The following FANCD2 variants were observed in gnomAD, a reference collection of about 807,000 sequenced individuals.
FANCD2 encodes the protein Fanconi anemia group D2 protein.
FANCD2 carries 131 observed loss-of-function variants against 192.3 expected under a neutral mutation model. The ratio of observed to expected loss-of-function variants is 0.68; its 90% CI spans 0.59 to 0.79. The LOEUF (loss-of-function observed/expected upper bound fraction) is 0.79, where lower values mean the gene tolerates loss of function less well. Among genes scored for constraint, FANCD2 ranks in the 30% least tolerant of loss-of-function variants. The pLI, the probability that FANCD2 is intolerant of heterozygous loss-of-function variation, is 0.00. For missense variants in FANCD2, 1,508 were observed against 1,701.6 expected (o/e 0.89, Z 2.00); for synonymous variants, 524 against 612.5 (o/e 0.86, Z 2.13).
At chr3:10,092,286 A>C in intron 38 of FANCD2, 34 bp downstream of exon 38, 1 of 1,506,832 alleles carries the variant, frequency 6.6e-7, no homozygotes, top group Non-Finnish European at 9.2e-7. Context: ...CATCTCACCA[A>C]ATAACTGCAG....
rs2124993408 is a variant in FANCD2, at chr3:10,043,529, C to T, written c.1035C>T (p.Leu345=). ...QESSGQSCII[L]LFDVIKSAIR... ...GCAGCGGTCAGAGCTGTATTATTCT[C>T]CTCTTTGATGTAATAAAGTCAGCTA... Residue 345 remains leucine (L), a synonymous_variant, in exon 13 of 44, where the codon CTC becomes CTT. Coordinates refer to ENST00000675286, the MANE Select transcript of FANCD2 (RefSeq NM_001018115.3). 1 of 1,613,784 alleles carries T rather than the reference C, an allele frequency of 6.2e-7. No individual in the cohort carries two copies. Among genetic ancestry groups the T allele is most frequent in the Non-Finnish European group, 8.5e-7 (1 of 1,179,806 alleles).
intron 26 of FANCD2, 134 bp downstream of exon 26, chr3:10,067,451 C>T: frequency 6.1e-6 from 4 of 658,422 alleles, no homozygotes; most frequent in Non-Finnish European, 1.1e-5. Flanking sequence ...CCCTGATGAA[C>T]ATTGATACAA....
intron 18 of FANCD2, among the ~76,000 whole-genome samples, chr3:10,056,053 A>G: frequency 6.6e-6 from 1 of 151,888 alleles, no homozygotes; most frequent in East Asian, 1.9e-4. Flanking sequence ...TGATTTTTGT[A>G]TTTTTAGTAG....
At chr3:10,081,321 G>C (rs1172988866) in intron 31 of FANCD2, 25 bp from the exon 32 acceptor site, 2 of 1,611,218 alleles carry the variant, frequency 1.2e-6, no homozygotes. Context: ...TGAAGCAACT[G>C]TCCTAAAATC....
Position 10,094,319 on chromosome 3 carries a change from A to G in FANCD2, c.3919A>G (p.Lys1307Glu). Reference sequence around the variant, plus strand: ...GCGTCTCTTTGTGGAAGCATTTCTGAAGCAATGTATGCCGCTCCTAGACTT... The same window carrying G: ...GCGTCTCTTTGTGGAAGCATTTCTGGAGCAATGTATGCCGCTCCTAGACTT... The part of the protein sequence containing the change: ...YGRLFVEAFL[K>E]QCMPLLDFSF... Residue 1307 changes from lysine (K) to glutamate (E), a missense_variant, in exon 40 of 44, where the codon AAG (lysine) becomes GAG (glutamate). Transcript: ENST00000675286. 1.2e-6 allele frequency: 2 copies of G among 1,614,084 alleles called. No individual in the cohort carries two copies. The highest frequency in any genetic ancestry group is 1.7e-6 in the Non-Finnish European group (2 of 1,179,958).
chr3:10,054,336 CAT>C (rs376013316), intron 18 of FANCD2, among the ~76,000 whole-genome samples: 28,259 of 130,128 alleles, frequency 0.22, 4,203 homozygotes, highest in African/African-American at 0.41. Flanking sequence ...GAACAACCAG[CAT>C]ATATATATAT....
chr3:10,088,533 C>A lies in FANCD2; in HGVS notation c.3551C>A (p.Ala1184Asp). ...KSNISNDQLHALLCIYLEHTE... is the reference protein window; with the variant it reads ...KSNISNDQLHDLLCIYLEHTE... ...AACATCTCTAATGACCAGCTCCATG[C>A]TCTGCTCTGGTGAGATGTTTGGTTT... Residue 1184 changes from alanine to aspartate, a missense_variant, in exon 35 of 44, where the codon GCT (alanine) becomes GAT (aspartate). Coordinates refer to ENST00000675286, the MANE Select transcript of FANCD2 (RefSeq NM_001018115.3). The A allele has an allele frequency of 6.3e-7, 1 of 1,599,962 alleles. No homozygotes were observed. Among genetic ancestry groups the A allele is most frequent in the Admixed American group, 1.7e-5 (1 of 60,012 alleles).
intron 26 of FANCD2, 24 bp from the exon 27 acceptor site, chr3:10,072,847 G>T: frequency 7.9e-7 from 1 of 1,258,656 alleles, no homozygotes; most frequent in Non-Finnish European, 1.2e-6. Context: ...TACACATTGA[G>T]CTTCAGCCTG....
In FANCD2 at chr3:10,041,605, T is replaced by G. The variant is rs56083801; in HGVS notation, c.696-18T>G. 2.2e-4 allele frequency: 345 copies of G among 1,581,418 alleles called. No homozygotes were observed. The Middle Eastern group carries it at 5.2e-3, about 24-fold the overall frequency. ...TTCAAACCATTATACAACTTTTTTC[T>G]TTTTCTACCATTCACAGTGACCTAC... is the stretch of plus-strand genomic sequence containing the variant. On this transcript the variant is annotated intron_variant, in intron 9 of 43. Transcript: ENST00000675286.
intron 20 of FANCD2, among the ~76,000 whole-genome samples, chr3:10,063,242 C>A (rs2087618972): frequency 6.6e-6 from 1 of 152,038 alleles, no homozygotes; most frequent in South Asian, 2.1e-4. Context: ...TGAGACCAGC[C>A]TGGCCAACAT....
rs184060118 is a variant in FANCD2 at position 10,036,269 on chromosome 3, C to A, written c.439-18C>A. ...TATTTTGAGATCATCTCCTAACTCC[C>A]TATGTCTTCTTTTTTAGCCTGCCAT... On this transcript the variant is annotated intron_variant, in intron 6 of 43. Coordinates refer to ENST00000675286, the MANE Select transcript of FANCD2 (RefSeq NM_001018115.3). 55 of 1,601,690 alleles carry A rather than the reference C, an allele frequency of 3.4e-5. No individual in the cohort carries two copies. The highest frequency in any genetic ancestry group is 3.3e-4 in the Admixed American group (20 of 59,902).
intron 29 of FANCD2, among the ~76,000 whole-genome samples, chr3:10,077,407 TAGTC>T (rs574620687): frequency 1.2e-4 from 18 of 152,046 alleles, no homozygotes; most frequent in Middle Eastern, 3.4e-3. Context: ...ATACAAAAAT[TAGTC>T]AGGCATGGTG....
In FANCD2 at chr3:10,088,477, G is replaced by A. The variant is rs775736013; in HGVS notation, c.3495G>A (p.Arg1165=). The A allele has an allele frequency of 6.2e-7, 1 of 1,611,706 alleles. No individual in the cohort carries two copies. The highest frequency in any genetic ancestry group is 1.1e-5 in the South Asian group (1 of 91,032). Residue 1165 remains arginine, a synonymous_variant, in exon 35 of 44, where the codon CGG becomes CGA. Transcript: ENST00000675286. ...CCCTTGCCAGACAATTCCTCTGTCGGGTGTGGCCAAGTGGGGATAAAGAGA... is the reference window on the plus strand; with the variant it reads ...CCCTTGCCAGACAATTCCTCTGTCGAGTGTGGCCAAGTGGGGATAAAGAGA... ...IASLARQFLC[R]VWPSGDKEKS...
intron 2 of FANCD2, among the ~76,000 whole-genome samples, chr3:10,029,524 G>A (rs962104315): frequency 4.6e-5 from 7 of 152,116 alleles, no homozygotes; most frequent in South Asian, 4.2e-4. Context: ...AGTGGGGGGC[G>A]GGGAGGTTGA....
chr3:10,026,895 C>G (rs1481276301), intron 1 of FANCD2, among the ~76,000 whole-genome samples: 1 of 152,072 alleles, frequency 6.6e-6, no homozygotes, highest in Non-Finnish European at 1.5e-5. Context: ...CCCGGTACCT[C>G]GTAAATGTTA....
intron 33 of FANCD2, among the ~76,000 whole-genome samples, chr3:10,086,306 C>A (rs938948880): frequency 7.9e-5 from 12 of 152,126 alleles, no homozygotes; most frequent in African/African-American, 2.9e-4. Flanking sequence ...TGTAGGAAGA[C>A]CTTATGTGGC....
At chr3:10,030,517 C>T (rs1414847877) in intron 2 of FANCD2, among the ~76,000 whole-genome samples, 1 of 152,036 alleles carries the variant, frequency 6.6e-6, no homozygotes, top group East Asian at 1.9e-4. Flanking sequence ...TCAATTCAAC[C>T]GAAATAGATG....
At chr3:10,062,001 G>T in intron 19 of FANCD2, 150 bp from the exon 20 acceptor site, 1 of 537,188 alleles carries the variant, frequency 1.9e-6, no homozygotes, top group South Asian at 2.0e-5. Flanking sequence ...GATAGCATTA[G>T]GAGATATACT....
Position 10,064,473 on chromosome 3 carries a change from A to C in FANCD2, c.2021+44A>C, listed in dbSNP as rs1234026603. The C allele has an allele frequency of 2.2e-5, 34 of 1,535,972 alleles. No homozygotes were observed. In the Admixed American group the frequency reaches 5.7e-4, roughly 26 times the overall value. The stretch of plus-strand genomic sequence containing the variant: ...CTGGCTTGGTTGCACTGGTGAAGTT[A>C]CATCAATTCTGTCAGTAGCTGATAC... On this transcript the variant is annotated intron_variant, in intron 22 of 43. Transcript: ENST00000675286.
Sources: allele counts gnomAD v4.1 joint callset (sites outside exome capture counted in the v4.1 genomes callset), GRCh38; gene constraint gnomAD v4.1.1; transcripts MANE v1.5; gene names NCBI Gene and HGNC (gene_info 2026-07-23, HGNC 2026-07-21).